The following HMG20B variants were observed in gnomAD, a reference collection of about 807,000 sequenced individuals.
HMG20B encodes SWI/SNF-related matrix-associated actin-dependent regulator of chromatin subfamily E member 1-related.
A neutral mutation model predicts 41.6 loss-of-function variants in HMG20B; 24 were observed. That is an observed-to-expected ratio of 0.58 (90% CI 0.42 to 0.81). The LOEUF is 0.81. HMG20B is among the 30% of genes least tolerant of loss of function. The pLI is 0.00. For missense variants in HMG20B, 461 were observed against 444.0 expected (o/e 1.04, Z -0.34); for synonymous variants, 251 against 186.6 (o/e 1.34, Z -2.81).
At chr19:3,576,025 G>A (rs576942196) in intron 5 of HMG20B, 5 of 586,858 alleles carry the variant, frequency 8.5e-6, no homozygotes, top group East Asian at 2.8e-5. Flanking sequence ...TGTGGGGTGC[G>A]ACCTCAGCCC....
chr19:3,576,860 C>T (rs1325260863), intron 7 of HMG20B, 32 bp from the exon 8 acceptor site: 12 of 1,548,614 alleles, frequency 7.7e-6, no homozygotes, highest in Non-Finnish European at 8.7e-6. Flanking sequence ...AAAGGGGAGG[C>T]GCAGGCTTTG....
rs898960943 is a variant in HMG20B, at chr19:3,578,756, A to G, written c.*235A>G. 5 of 756,064 alleles carry G rather than the reference A, an allele frequency of 6.6e-6. No homozygotes were observed. The highest frequency in any genetic ancestry group is 1.2e-5 in the Non-Finnish European group (5 of 420,926). The allele number at this position is 756,064 out of a possible 1,614,324, so 46.8% of individuals were successfully genotyped here. A position where few individuals can be genotyped will look rare whatever the true frequency, so the allele number is the denominator to read the frequency against. Reference sequence around the variant, plus strand: ...CGCGATACACCCAGAAGAACCTCACAGCCGAGGGTGCCCCTCCTCGGAGGA... The same window carrying G: ...CGCGATACACCCAGAAGAACCTCACGGCCGAGGGTGCCCCTCCTCGGAGGA... On this transcript the variant is annotated 3_prime_UTR_variant, in exon 10 of 10. Coordinates refer to ENST00000333651, the MANE Select transcript of HMG20B (RefSeq NM_006339.3).
At position 3,576,645 on chromosome 19, in the gene HMG20B, C is replaced by T. The variant is rs1568272755; in HGVS notation, c.592+20C>T. The T allele has an allele frequency of 6.3e-7, 1 of 1,596,454 alleles. No homozygotes were observed. The highest frequency in any genetic ancestry group is 1.3e-5 in the African/African-American group (1 of 74,652). On this transcript the variant is annotated intron_variant, in intron 7 of 9. Transcript: ENST00000333651. ...ACAAAGGTGAGCGGTAACTGCGCTC[C>T]TGATGCGAACTCCGTGAAACTGGGT...
In HMG20B at chr19:3,578,713, C is replaced by T. The variant is rs1223281746; in HGVS notation, c.*192C>T. 9 of 831,596 alleles carry T rather than the reference C, an allele frequency of 1.1e-5. 1 individual carries two copies. Among genetic ancestry groups the T allele is most frequent in the African/African-American group, 6.7e-5 (4 of 59,936 alleles). The allele number at this position is 831,596 out of a possible 1,614,324, so 51.5% of individuals were successfully genotyped here. On this transcript the variant is annotated 3_prime_UTR_variant, in exon 10 of 10. Coordinates refer to ENST00000333651, the MANE Select transcript of HMG20B (RefSeq NM_006339.3). ...TTCAATCTCCCCAGCCCCCTGAACC[C>T]GGAAAAAGCACTCGCTGCGCGATAC...
chr19:3,576,687 G>A (rs1381309139), intron 7 of HMG20B, 62 bp downstream of exon 7: 8 of 1,461,526 alleles, frequency 5.5e-6, no homozygotes, highest in African/African-American at 2.8e-5. Context: ...GGGGGGCGTG[G>A]GCCAGGAGGG....
In HMG20B at chr19:3,573,975, T is replaced by G; in HGVS notation, c.147+175T>G. ...GCCCCTGACAGGTCCTCTGCCACTC[T>G]AAGTCCAGGCCCCGCCCACCGCACA... On this transcript the variant is annotated intron_variant, in intron 3 of 9. Transcript: ENST00000333651. 5.6e-6 allele frequency: 4 copies of G among 717,770 alleles called. 1 individual carries two copies. The South Asian group carries it at 6.0e-5, about 11-fold the overall frequency. 44.5% of individuals were successfully genotyped at this position (717,770 alleles called of 1,614,324 possible). A position where few individuals can be genotyped will look rare whatever the true frequency, so the allele number is the denominator to read the frequency against.
In HMG20B at chr19:3,576,610, T is replaced by C; in HGVS notation, c.577T>C (p.Leu193=). 2 of 1,613,466 alleles carry C rather than the reference T, an allele frequency of 1.2e-6. No individual in the cohort carries two copies. The highest frequency in any genetic ancestry group is 1.1e-5 in the South Asian group (1 of 90,988). The change falls in exon 7 of 10, where the codon TTG becomes CTG. Residue 193 remains leucine (L), a synonymous_variant. Transcript: ENST00000333651. ...FDVPIFTEEF[L]DQNKAREAEL... Reference sequence around the variant, plus strand: ...TGTTCCCATCTTCACTGAAGAGTTCTTGGACCAAAACAAAGGTGAGCGGTA... The same window carrying C: ...TGTTCCCATCTTCACTGAAGAGTTCCTGGACCAAAACAAAGGTGAGCGGTA...
In HMG20B at chr19:3,578,544, AGAG is replaced by A. The variant is rs748286627; in HGVS notation, c.*27_*29del. 8 of 1,568,774 alleles carry A rather than the reference AGAG, an allele frequency of 5.1e-6. 1 individual carries two copies. The South Asian group carries it at 9.4e-5, about 18-fold the overall frequency. ...TGAGGAGTGGGCGGGCCCACGATGC[AGAG>A]GAGAAGCTGTGGGCGCGGCCCTGCC... On this transcript the variant is annotated 3_prime_UTR_variant, in exon 10 of 10. Coordinates refer to ENST00000333651, the MANE Select transcript of HMG20B (RefSeq NM_006339.3).
At chr19:3,576,079 G>T in intron 5 of HMG20B, 182 bp from the exon 6 acceptor site, 1 of 623,374 alleles carries the variant, frequency 1.6e-6, no homozygotes, top group Non-Finnish European at 2.9e-6. Flanking sequence ...TGGGTTGGGC[G>T]GGGGAAAGAT....
intron 3 of HMG20B, 165 bp downstream of exon 3, chr19:3,573,965 T>C (rs1355689125): frequency 1.4e-6 from 1 of 730,736 alleles, no homozygotes; most frequent in Admixed American, 2.0e-5. Context: ...TGACAGGTCC[T>C]CTGCCACTCT....
intron 5 of HMG20B, 199 bp downstream of exon 5, chr19:3,575,859 G>C (rs1421564787): frequency 3.8e-6 from 2 of 521,984 alleles, no homozygotes; most frequent in South Asian, 2.2e-5. Flanking sequence ...CAGGAGAATT[G>C]CTTGAACCCG....
chr19:3,575,357 G>A (rs2032134378), intron 4 of HMG20B, 183 bp from the exon 5 acceptor site: 1 of 1,010,648 alleles, frequency 9.9e-7, no homozygotes, highest in East Asian at 2.9e-5. Flanking sequence ...GGCATGGGAA[G>A]TGAGGTGGGA....
Position 3,577,100 on chromosome 19 carries a change from G to A in HMG20B, c.801G>A (p.Pro267=), listed in dbSNP as rs17849851. Residue 267 remains proline (P), a synonymous_variant, in exon 8 of 10, where the codon CCG becomes CCA. Coordinates refer to ENST00000333651, the MANE Select transcript of HMG20B (RefSeq NM_006339.3). ...TCACCGCCAGCTTCGCCTCACTGCC[G>A]GTGCCGGGTGCGGGCCACGCCCATC... ...QALTASFASL[P]VPGTGETPTL... 102 of 1,530,942 alleles carry A rather than the reference G, an allele frequency of 6.7e-5. No homozygotes were observed. The South Asian group carries it at 7.5e-4, about 11-fold the overall frequency. 94.8% of individuals were successfully genotyped at this position (1,530,942 alleles called of 1,614,324 possible). A position where few individuals can be genotyped will look rare whatever the true frequency, so the allele number is the denominator to read the frequency against.
At chr19:3,576,388 C>G (rs2032162780) in intron 6 of HMG20B, 81 bp downstream of exon 6, 1 of 1,469,184 alleles carries the variant, frequency 6.8e-7, no homozygotes, top group East Asian at 2.3e-5. Flanking sequence ...AGCCAGTGCT[C>G]GCCCAGATGT....
At chr19:3,573,656 T>C in intron 2 of HMG20B, 36 bp from the exon 3 acceptor site, 2 of 1,458,142 alleles carry the variant, frequency 1.4e-6, no homozygotes, top group Admixed American at 2.7e-5. Flanking sequence ...GGGGAGATTC[T>C]TGGGACGGGG....
chr19:3,573,422 A>C, intron 2 of HMG20B, 75 bp downstream of exon 2: 2 of 1,396,634 alleles, frequency 1.4e-6, no homozygotes, highest in African/African-American at 3.0e-5. Flanking sequence ...CCCCTGACCC[A>C]GTCCCTCCCG....
chr19:3,575,954 A>G (rs1475725797), intron 5 of HMG20B: 13 of 508,290 alleles, frequency 2.6e-5, no homozygotes, highest in African/African-American at 1.6e-4. Context: ...AAAAAAAAAA[A>G]AAAAAGAAAA....
In HMG20B at chr19:3,576,635, A is replaced by G. The variant is rs751624101; in HGVS notation, c.592+10A>G. The G allele has an allele frequency of 8.1e-6, 13 of 1,608,264 alleles. No individual in the cohort carries two copies. The East Asian group carries it at 2.9e-4, about 36-fold the overall frequency. ...TTGGACCAAAACAAAGGTGAGCGGT[A>G]ACTGCGCTCCTGATGCGAACTCCGT... On this transcript the variant is annotated intron_variant, in intron 7 of 9. Coordinates refer to ENST00000333651, the MANE Select transcript of HMG20B (RefSeq NM_006339.3).
intron 3 of HMG20B, chr19:3,574,078 C>G (rs1017807289): frequency 2.5e-5 from 16 of 640,382 alleles, no homozygotes; most frequent in Admixed American, 1.4e-4. Context: ...TCCTGTGGGC[C>G]CGTTCTCCAG....
Sources: allele counts gnomAD v4.1 joint callset, GRCh38; gene constraint gnomAD v4.1.1; transcripts MANE v1.5; gene names NCBI Gene and HGNC (gene_info 2026-07-23, HGNC 2026-07-21).